Variants in USP13 observed in about 807,000 individuals in gnomAD.
USP13 encodes the protein ubiquitin specific peptidase 13.
A neutral mutation model predicts 107.8 loss-of-function variants in USP13; 68 were observed. The ratio of observed to expected loss-of-function variants is 0.63; its 90% confidence interval spans 0.52 to 0.77. The LOEUF (loss-of-function observed/expected upper bound fraction) is 0.77, where lower values mean the gene tolerates loss of function less well. Among genes scored for constraint, USP13 ranks in the 30% least tolerant of loss-of-function variants. The pLI is 0.00. For missense variants in USP13, 945 were observed against 1,093.3 expected, an observed-to-expected ratio of 0.86 and a Z score of 1.91; for synonymous variants, 377 against 389.5, an observed-to-expected ratio of 0.97 and a Z score of 0.38.
chr3:179,688,610 T>G (rs1363205476), intron 2 of USP13, among the ~76,000 whole-genome samples: 1 of 152,186 alleles, frequency 6.6e-6, no homozygotes, highest in African/African-American at 2.4e-5. Context: ...GGTTCTACTT[T>G]TTTGCAAGTC....
chr3:179,686,305 C>T lies in USP13; in HGVS notation c.295-3936C>T, dbSNP rs1395622792. ...ACTTATTCCTTGTGTCCTGGAAGCT[C>T]ACTCAGTGGCTCACACCTGTCATCC... On this transcript the variant is annotated intron_variant, in intron 2 of 20. Coordinates refer to ENST00000263966, the MANE Select transcript of USP13 (RefSeq NM_003940.3). Among the ~76,000 whole-genome samples, 3 of 152,228 alleles carry T rather than the reference C, an allele frequency of 2.0e-5. No homozygotes were observed. The East Asian group carries it at 5.8e-4, about 29-fold the overall frequency.
At chr3:179,728,051 G>C (rs1422760583) in intron 8 of USP13, among the ~76,000 whole-genome samples, 6 of 69,370 alleles carry the variant, frequency 8.6e-5, no homozygotes, top group Admixed American at 3.4e-4. Flanking sequence ...CTCCCGGACG[G>C]GGCGGCTGGC....
chr3:179,756,433 CAAACAAACA>C (rs1474810292), intron 15 of USP13, among the ~76,000 whole-genome samples: 2 of 149,958 alleles, frequency 1.3e-5, no homozygotes, highest in African/African-American at 2.5e-5. Flanking sequence ...AACAAACAAA[CAAACAAACA>C]AACAAAAAAT....
In USP13 at chr3:179,718,784, G is replaced by T. The variant is rs180718756; in HGVS notation, c.806-1156G>T. 1.1e-3 allele frequency among the ~76,000 whole-genome samples: 173 copies of T among 151,592 alleles called. 1 individual carries two copies. Among genetic ancestry groups the T allele is most frequent in the African/African-American group, 4.1e-3 (168 of 41,332 alleles). On this transcript the variant is annotated intron_variant, in intron 6 of 20. Transcript: ENST00000263966. ...TTCTTTTCTTTTCTTTTTTTTTTGAGATAGAGTCTCTCTCTGTCGCCCAGG... is the reference window on the plus strand; with the variant it reads ...TTCTTTTCTTTTCTTTTTTTTTTGATATAGAGTCTCTCTCTGTCGCCCAGG...
intron 3 of USP13, among the ~76,000 whole-genome samples, chr3:179,696,915 C>A (rs925534550): frequency 6.6e-6 from 1 of 152,008 alleles, no homozygotes; most frequent in African/African-American, 2.4e-5. Context: ...AATAAAGCTA[C>A]AGATATGCAT....
intron 10 of USP13, among the ~76,000 whole-genome samples, chr3:179,737,194 A>C (rs1471151124): frequency 6.6e-6 from 1 of 152,176 alleles, no homozygotes; most frequent in Non-Finnish European, 1.5e-5. Flanking sequence ...CATGTATACC[A>C]AAAACAGCAT....
At chr3:179,740,152 AAAGTGG>A in intron 10 of USP13, 89 bp from the exon 11 acceptor site, 1 of 1,542,330 alleles carries the variant, frequency 6.5e-7, no homozygotes, top group South Asian at 1.2e-5. Flanking sequence ...TCTCATCTGG[AAAGTGG>A]AGTTTATGGT....
chr3:179,688,443 A>G (rs1453618932), intron 2 of USP13, among the ~76,000 whole-genome samples: 1 of 152,236 alleles, frequency 6.6e-6, no homozygotes, highest in African/African-American at 2.4e-5. Flanking sequence ...TAGCTCCTTA[A>G]AAGATGGAAC....
chr3:179,675,221 C>T (rs1016867198), intron 1 of USP13, among the ~76,000 whole-genome samples: 1 of 151,640 alleles, frequency 6.6e-6, no homozygotes, highest in African/African-American at 2.4e-5. Context: ...GTTGACATTC[C>T]CTTTTAAAAG....
intron 1 of USP13, among the ~76,000 whole-genome samples, chr3:179,672,303 ACT>A (rs1484951950): frequency 3.9e-5 from 6 of 152,132 alleles, no homozygotes; most frequent in African/African-American, 1.4e-4. Flanking sequence ...CTAAGTATAT[ACT>A]GTATGTATAT....
intron 6 of USP13, among the ~76,000 whole-genome samples, chr3:179,717,342 T>A (rs545143976): frequency 9.9e-5 from 15 of 152,254 alleles, no homozygotes; most frequent in Non-Finnish European, 1.6e-4. Context: ...AGGTTTCTTG[T>A]ATGTTACTCA....
intron 3 of USP13, among the ~76,000 whole-genome samples, chr3:179,694,760 C>T (rs1177367012): frequency 1.5e-5 from 2 of 134,968 alleles, no homozygotes; most frequent in Admixed American, 8.3e-5. Context: ...GAGATCGCAC[C>T]ATTGCACTCC....
chr3:179,768,745 T>G, intron 19 of USP13, among the ~76,000 whole-genome samples: 1 of 152,218 alleles, frequency 6.6e-6, no homozygotes, highest in South Asian at 2.1e-4. Flanking sequence ...GGTAATAGAC[T>G]TTGATAGCAT....
intron 19 of USP13, among the ~76,000 whole-genome samples, chr3:179,769,989 AG>A (rs1560081309): frequency 6.6e-6 from 1 of 152,230 alleles, no homozygotes; most frequent in Non-Finnish European, 1.5e-5. Flanking sequence ...CAAACACAGC[AG>A]GGGGCCACAT....
At chr3:179,767,910 C>CT (rs920632013) in intron 19 of USP13, among the ~76,000 whole-genome samples, 1 of 151,968 alleles carries the variant, frequency 6.6e-6, no homozygotes, top group Non-Finnish European at 1.5e-5. Context: ...CTGTCTTCTT[C>CT]TTTTTTTTAA....
chr3:179,724,096 G>A (rs1713427139), intron 8 of USP13, among the ~76,000 whole-genome samples: 1 of 152,028 alleles, frequency 6.6e-6, no homozygotes, highest in African/African-American at 2.4e-5. Flanking sequence ...GGAGTCTGAG[G>A]TTGCAGTAAG....
intron 10 of USP13, among the ~76,000 whole-genome samples, chr3:179,734,658 A>G (rs1713923126): frequency 1.3e-5 from 2 of 152,242 alleles, no homozygotes; most frequent in Admixed American, 1.3e-4. Flanking sequence ...CCTTTGAAAT[A>G]TGAGTAATAG....
At chr3:179,776,128 A>C (rs901451935) in intron 19 of USP13, among the ~76,000 whole-genome samples, 1 of 152,220 alleles carries the variant, frequency 6.6e-6, no homozygotes, top group Non-Finnish European at 1.5e-5. Flanking sequence ...CAAGTAGTAA[A>C]TAGTGAGATG....
At chr3:179,782,843 TCAAG>T (rs1715793377) in intron 20 of USP13, among the ~76,000 whole-genome samples, 1 of 152,158 alleles carries the variant, frequency 6.6e-6, no homozygotes, top group Non-Finnish European at 1.5e-5. Flanking sequence ...CCTCCCAAAT[TCAAG>T]CAATTCTCCT....
Sources: gnomAD v4.1 joint callset for allele counts (sites outside exome capture counted in the v4.1 genomes callset) on GRCh38, gnomAD v4.1.1 for gene constraint, MANE v1.5 for transcripts, NCBI Gene and HGNC (gene_info 2026-07-23, HGNC 2026-07-21) for gene names.